PFKFB3: variants seen among roughly 807,000 people sequenced by gnomAD.
PFKFB3 encodes the protein 6-phosphofructo-2-kinase/fructose-2,6-biphosphatase 3, also known as 6-phosphofructo-2-kinase/fructose-2,6-bisphosphatase 3.
A neutral mutation model predicts 68.0 loss-of-function variants in PFKFB3; 33 were observed. The ratio of observed to expected loss-of-function variants is 0.49; its 90% CI spans 0.37 to 0.65. The LOEUF (loss-of-function observed/expected upper bound fraction) is 0.65, where lower values mean the gene tolerates loss of function less well. Ranked by LOEUF, PFKFB3 falls within the 30% of genes least tolerant of loss-of-function variation. The probability of loss-of-function intolerance (pLI) is 0.00; values close to 1 mark genes in which losing one functional copy is unlikely to be tolerated. For missense variants in PFKFB3, 586 were observed against 712.2 expected (o/e 0.82, Z 2.02); for synonymous variants, 315 against 288.2 (o/e 1.09, Z -0.94).
chr10:6,288,533 T>C, the PFKFB3 span, among the ~76,000 whole-genome samples: 3 of 152,028 alleles, frequency 2.0e-5, no homozygotes, highest in Non-Finnish European at 4.4e-5. Context: ...GGACATGGAC[T>C]CATCCTTTTT....
the PFKFB3 span, among the ~76,000 whole-genome samples, chr10:6,286,924 C>G: frequency 6.6e-6 from 1 of 151,964 alleles, no homozygotes; most frequent in Non-Finnish European, 1.5e-5. Flanking sequence ...ATTGGTTGCC[C>G]TAGAATTTGC....
In PFKFB3 at chr10:6,234,746, G is replaced by A. The variant is rs945833712; in HGVS notation, c.*1804G>A. ...GCTTTGCTCTTGAGAATAGTTTCTC[G>A]TGTCCCCCTCGCAGGCCTCATTCTT... On this transcript the variant is annotated 3_prime_UTR_variant, in exon 15 of 15. Transcript: ENST00000379775. 6 of 152,252 alleles carry A rather than the reference G, an allele frequency of 3.9e-5. No individual in the cohort carries two copies. Among genetic ancestry groups the A allele is most frequent in the Non-Finnish European group, 5.9e-5 (4 of 68,054 alleles). 9.4% of individuals were successfully genotyped at this position (152,252 alleles called of 1,614,324 possible). A position where few individuals can be genotyped will look rare whatever the true frequency, so the allele number is the denominator to read the frequency against.
At chr10:6,307,537 C>G in the PFKFB3 span, among the ~76,000 whole-genome samples, 4,801 of 149,170 alleles carry the variant, frequency 0.032, 131 homozygotes, top group Middle Eastern at 0.15. Flanking sequence ...TTCCTTCCTT[C>G]CTTCCTTCCT....
intron 14 of PFKFB3, chr10:6,254,061 A>C: frequency 3.4e-5 from 13 of 387,940 alleles, no homozygotes; most frequent in East Asian, 7.3e-5. Context: ...GTGATGAGGA[A>C]TGGAGGGTCT....
At chr10:6,188,904 G>A (rs1367841480) in intron 1 of PFKFB3, among the ~76,000 whole-genome samples, 4 of 145,376 alleles carry the variant, frequency 2.8e-5, no homozygotes, top group Non-Finnish European at 4.5e-5. Context: ...GCGCGATCTC[G>A]GCTCACTGCA....
chr10:6,235,150 T>TC lies in PFKFB3; in HGVS notation c.*2214dup, dbSNP rs57936464. 2 of 152,638 alleles carry TC rather than the reference T, an allele frequency of 1.3e-5. No homozygotes were observed. The highest frequency in any genetic ancestry group is 4.8e-5 in the African/African-American group (2 of 41,414). 9.5% of individuals were successfully genotyped at this position (152,638 alleles called of 1,614,324 possible). A position where few individuals can be genotyped will look rare whatever the true frequency, so the allele number is the denominator to read the frequency against. On this transcript the variant is annotated 3_prime_UTR_variant, in exon 15 of 15. Transcript: ENST00000379775. ...TTGCCTATTTGTTTTTGGGTGAGTTTCCCCCCTCCTTATTCTGTCCTGAGA... is the reference window on the plus strand; with the variant it reads ...TTGCCTATTTGTTTTTGGGTGAGTTTCCCCCCCTCCTTATTCTGTCCTGAGA...
intron 14 of PFKFB3, among the ~76,000 whole-genome samples, chr10:6,246,806 C>T (rs1846272621): frequency 6.6e-6 from 1 of 152,164 alleles, no homozygotes; most frequent in East Asian, 1.9e-4. Context: ...GTGCCTTCTC[C>T]TCTGCTTTTG....
chr10:6,177,556 A>G (rs1588426828), intron 1 of PFKFB3, among the ~76,000 whole-genome samples: 1 of 114,854 alleles, frequency 8.7e-6, no homozygotes. Context: ...ACGGAGTTTC[A>G]CTCTTGTTGC....
chr10:6,285,357 C>T, the PFKFB3 span, among the ~76,000 whole-genome samples: 1 of 151,994 alleles, frequency 6.6e-6, no homozygotes, highest in East Asian at 1.9e-4. Flanking sequence ...CCTCAGCCTC[C>T]TGAATAGCTG....
chr10:6,235,263 A>AT lies in PFKFB3; in HGVS notation c.*2328dup, dbSNP rs953378085. ...TTTTTCTTTGTAATACTTGAAATTTATTTTTTTATTATTTTGATAGCAGAT... is the reference window on the plus strand; with the variant it reads ...TTTTTCTTTGTAATACTTGAAATTTATTTTTTTTATTATTTTGATAGCAGAT... On this transcript the variant is annotated 3_prime_UTR_variant, in exon 15 of 15. Coordinates refer to ENST00000379775, the MANE Select transcript of PFKFB3 (RefSeq NM_004566.4). 3 of 152,622 alleles carry AT rather than the reference A, an allele frequency of 2.0e-5. No homozygotes were observed. Among genetic ancestry groups the AT allele is most frequent in the Non-Finnish European group, 4.4e-5 (3 of 68,010 alleles). 9.5% of individuals were successfully genotyped at this position (152,622 alleles called of 1,614,324 possible).
At chr10:6,177,436 T>TTCTCTC (rs372374322) in intron 1 of PFKFB3, among the ~76,000 whole-genome samples, 2 of 56,392 alleles carry the variant, frequency 3.5e-5, no homozygotes, top group Non-Finnish European at 7.8e-5. Flanking sequence ...TTTCTTTTCT[T>TTCTCTC]TCTCTTTCTT....
At chr10:6,288,890 A>G in the PFKFB3 span, among the ~76,000 whole-genome samples, 57 of 151,888 alleles carry the variant, frequency 3.8e-4, no homozygotes, top group Admixed American at 2.6e-3. Context: ...TTTAATGATC[A>G]CCATTCTAAC....
the PFKFB3 span, among the ~76,000 whole-genome samples, chr10:6,315,672 G>C: frequency 1.3e-5 from 2 of 152,302 alleles, no homozygotes; most frequent in South Asian, 4.1e-4. Flanking sequence ...TTTAAGTAGA[G>C]ACAGAGTTTC....
chr10:6,257,493 C>T (rs1343128914), downstream of PFKFB3, among the ~76,000 whole-genome samples: 1 of 152,120 alleles, frequency 6.6e-6, no homozygotes, highest in African/African-American at 2.4e-5. Context: ...GTGACTTGAC[C>T]ATGGTAGGGA....
At chr10:6,255,975 C>T (rs1269161934), downstream of PFKFB3, among the ~76,000 whole-genome samples, 1 of 152,208 alleles carries the variant, frequency 6.6e-6, no homozygotes, top group Non-Finnish European at 1.5e-5. Context: ...TAGCCGCGTG[C>T]TTCAGCGGGA....
chr10:6,187,976 T>TATCTATCC (rs897688839), intron 1 of PFKFB3, among the ~76,000 whole-genome samples: 3 of 123,550 alleles, frequency 2.4e-5, no homozygotes, highest in African/African-American at 5.3e-5. Context: ...TCTATCTATC[T>TATCTATCC]ATCCATCCAT....
At chr10:6,223,274 T>C (rs894526850) in intron 11 of PFKFB3, among the ~76,000 whole-genome samples, 1 of 152,184 alleles carries the variant, frequency 6.6e-6, no homozygotes, top group African/African-American at 2.4e-5. Flanking sequence ...GGGTCTTGGC[T>C]TGGGGTGGGG....
At chr10:6,297,920 G>T in the PFKFB3 span, among the ~76,000 whole-genome samples, 5 of 152,044 alleles carry the variant, frequency 3.3e-5, no homozygotes, top group Non-Finnish European at 5.9e-5. Flanking sequence ...ATGACTTCCT[G>T]GGGGTATCAG....
chr10:6,309,881 A>G, the PFKFB3 span, among the ~76,000 whole-genome samples: 1 of 152,178 alleles, frequency 6.6e-6, no homozygotes, highest in African/African-American at 2.4e-5. Flanking sequence ...TCCTGAATAC[A>G]ACATTTTTTA....
Sources: gnomAD v4.1 joint callset for allele counts (sites outside exome capture counted in the v4.1 genomes callset) on GRCh38, gnomAD v4.1.1 for gene constraint, MANE v1.5 for transcripts, NCBI Gene and HGNC (gene_info 2026-07-23, HGNC 2026-07-21) for gene names.